Variants in GNPTAB observed in about 807,000 individuals in gnomAD.
GNPTAB encodes the protein N-acetylglucosamine-1-phosphotransferase subunits alpha/beta.
GNPTAB carries 92 observed loss-of-function variants against 136.6 expected under a neutral mutation model. The observed-to-expected ratio is 0.67, with a 90% CI of 0.57 to 0.80. The LOEUF is 0.80. GNPTAB is among the 30% of genes least tolerant of loss of function. GNPTAB has a pLI of 0.00. For synonymous variants in GNPTAB, 512 were observed against 535.1 expected, an observed-to-expected ratio of 0.96 and a Z score of 0.60; for missense variants, 1,343 against 1,501.8, an observed-to-expected ratio of 0.89 and a Z score of 1.75.
In GNPTAB at chr12:101,747,255, G is replaced by A. The variant is rs200996801; in HGVS notation, c.3694-14C>T. On this transcript the variant is annotated splice_polypyrimidine_tract_variant and intron_variant, in intron 20 of 20. Transcript: ENST00000299314. ...AAGTGCAATTAACTAAATGATGAAAGACAGAAAATACATTTTAATTCTCAC... is the reference window on the plus strand; with the variant it reads ...AAGTGCAATTAACTAAATGATGAAAAACAGAAAATACATTTTAATTCTCAC... 3.4e-6 allele frequency: 5 copies of A among 1,454,166 alleles called. No homozygotes were observed. Among genetic ancestry groups the A allele is most frequent in the Non-Finnish European group, 4.8e-6 (5 of 1,035,148 alleles). 90.1% of individuals were successfully genotyped at this position (1,454,166 alleles called of 1,614,324 possible). A position where few individuals can be genotyped will look rare whatever the true frequency, so the allele number is the denominator to read the frequency against.
Position 101,765,095 on chromosome 12 carries a change from C to T in GNPTAB, c.1822G>A (p.Ala608Thr). The change falls in exon 13 of 21, where the codon GCC becomes ACC. Residue 608 changes from alanine (A) to threonine (T), a missense_variant. Physicochemically the swap from Ala to Thr is moderately conservative, Grantham distance 58. Transcript: ENST00000299314. ...GTGAGATTAAAATGTATTGTGGTGG[C>T]ATTCATTCCACTGTGCATTATGAGG... ...IHLIMHSGMN[A>T]TTIHFNLTFQ... 1 of 1,613,982 alleles carries T rather than the reference C, an allele frequency of 6.2e-7. No homozygotes were observed. Among genetic ancestry groups the T allele is most frequent in the Non-Finnish European group, 8.5e-7 (1 of 1,179,842 alleles).
intron 1 of GNPTAB, chr12:101,810,426 C>T (rs1434633680): frequency 1.3e-4 from 16 of 124,968 alleles, no homozygotes; most frequent in East Asian, 4.4e-4. Flanking sequence ...TATATATACA[C>T]ACACATACAC....
intron 1 of GNPTAB, among the ~76,000 whole-genome samples, chr12:101,816,573 G>A (rs983036821): frequency 6.6e-6 from 1 of 152,210 alleles, no homozygotes; most frequent in African/African-American, 2.4e-5. Context: ...TGGCAAAAAG[G>A]CAATGCTTGT....
chr12:101,770,585 A>G lies in GNPTAB; in HGVS notation c.934T>C (p.Ser312Pro), dbSNP rs2137124334. The change falls in exon 9 of 21, where the codon TCT becomes CCT. Residue 312 changes from serine to proline, a missense_variant and splice_region_variant. Coordinates refer to ENST00000299314, the MANE Select transcript of GNPTAB (RefSeq NM_024312.5). ...GCAGAGATGTCTTCATCCTGCTTAG[A>G]CTGAGAAAAACACTTGGCATATGAA... ...LLWDLSAISQ[S>P]KQDEDISASR... 2 of 1,609,194 alleles carry G rather than the reference A, an allele frequency of 1.2e-6. No homozygotes were observed. The highest frequency in any genetic ancestry group is 4.5e-5 in the East Asian group (2 of 44,852).
At chr12:101,799,742 A>T (rs188854063) in intron 1 of GNPTAB, among the ~76,000 whole-genome samples, 182 of 152,022 alleles carry the variant, frequency 1.2e-3, no homozygotes, top group Admixed American at 0.012. Context: ...CTTCTATTAA[A>T]GTTCTTTTGA....
intron 4 of GNPTAB, 83 bp from the exon 5 acceptor site, chr12:101,786,300 T>C (rs1868645635): frequency 8.9e-7 from 1 of 1,120,610 alleles, no homozygotes; most frequent in Non-Finnish European, 1.3e-6. Context: ...ACTAAATTTT[T>C]CAGATTTTTT....
At chr12:101,808,866 T>G (rs576333609) in intron 1 of GNPTAB, among the ~76,000 whole-genome samples, 2 of 152,218 alleles carry the variant, frequency 1.3e-5, no homozygotes, top group Non-Finnish European at 2.9e-5. Flanking sequence ...GAGAATTGCC[T>G]GAACCCGGGA....
intron 1 of GNPTAB, among the ~76,000 whole-genome samples, chr12:101,820,746 C>G (rs1381705101): frequency 6.6e-6 from 1 of 152,182 alleles, no homozygotes; most frequent in Middle Eastern, 3.2e-3. Flanking sequence ...CGGTTGAACT[C>G]AAACAGCATC....
chr12:101,771,151 A>G lies in GNPTAB; in HGVS notation c.778T>C (p.Leu260=). The stretch of plus-strand genomic sequence containing the variant: ...AGCGCTACACTGGCCTCTGAATACA[A>G]CTGCAACTATCAAATAACAAGAGGA... ...NLSSKVKLLQ[L]YSEASVALLK... The change falls in exon 8 of 21, where the codon TTG becomes CTG. Residue 260 remains leucine (L), a synonymous_variant. Transcript: ENST00000299314. 3 of 1,613,394 alleles carry G rather than the reference A, an allele frequency of 1.9e-6. No homozygotes were observed. Among genetic ancestry groups the G allele is most frequent in the Non-Finnish European group, 2.5e-6 (3 of 1,179,312 alleles).
chr12:101,759,715 T>C (rs1271831624), intron 16 of GNPTAB, among the ~76,000 whole-genome samples: 3 of 152,244 alleles, frequency 2.0e-5, no homozygotes, highest in Non-Finnish European at 4.4e-5. Flanking sequence ...AATATTTCCT[T>C]GATGGTTAAA....
chr12:101,787,507 T>A (rs1868723830), intron 4 of GNPTAB, among the ~76,000 whole-genome samples: 1 of 152,230 alleles, frequency 6.6e-6, no homozygotes, highest in Non-Finnish European at 1.5e-5. Flanking sequence ...CAATCTTTCT[T>A]CATGTTGCAC....
chr12:101,747,232 G>C lies in GNPTAB; in HGVS notation c.3703C>G (p.Leu1235Val). ...FSFFAEQLIALKRKIFPRRRI... is the reference protein window; with the variant it reads ...FSFFAEQLIAVKRKIFPRRRI... ...CTTCTGGGAAATATCTTCCGCTTAA[G>C]TGCAATTAACTAAATGATGAAAGAC... Residue 1235 changes from leucine to valine, a missense_variant, in exon 21 of 21, where the codon CTT (leucine) becomes GTT (valine). Transcript: ENST00000299314. 1 of 1,569,586 alleles carries C rather than the reference G, an allele frequency of 6.4e-7. No homozygotes were observed. Among genetic ancestry groups the C allele is most frequent in the Non-Finnish European group, 8.8e-7 (1 of 1,139,440 alleles).
chr12:101,819,161 G>A (rs1441201629), intron 1 of GNPTAB, among the ~76,000 whole-genome samples: 6 of 151,950 alleles, frequency 3.9e-5, no homozygotes, highest in Admixed American at 1.3e-4. Context: ...ACAGGTGCCC[G>A]CCACCACACT....
chr12:101,760,094 G>A lies in GNPTAB; in HGVS notation c.3185C>T (p.Pro1062Leu), dbSNP rs1484374820. The A allele has an allele frequency of 6.2e-6, 10 of 1,613,668 alleles. 1 individual carries two copies. The South Asian group carries it at 9.9e-5, about 16-fold the overall frequency. ...ATTATTTAGCTGCGTGATATCAGCA[G>A]GAAGCATTTTTGAGCAATTTATTAG... ...HMLINCSKML[P>L]ADITQLNNIP... Residue 1062 changes from proline (P) to leucine (L), a missense_variant, in exon 16 of 21, where the codon CCT (proline) becomes CTT (leucine). Pro to Leu is a moderately conservative substitution (Grantham distance 98, BLOSUM62 -3). Coordinates refer to ENST00000299314, the MANE Select transcript of GNPTAB (RefSeq NM_024312.5).
intron 1 of GNPTAB, among the ~76,000 whole-genome samples, chr12:101,816,730 G>A (rs1870527320): frequency 6.6e-6 from 1 of 151,928 alleles, no homozygotes; most frequent in Non-Finnish European, 1.5e-5. Context: ...GTATAATGAA[G>A]AGCTATCTAC....
At chr12:101,800,604 CAAAA>C (rs58129963) in intron 1 of GNPTAB, among the ~76,000 whole-genome samples, 28 of 74,268 alleles carry the variant, frequency 3.8e-4, no homozygotes, top group Middle Eastern at 9.3e-3. Flanking sequence ...ACTAAAAATA[CAAAA>C]AAAAAAAAAA....
At chr12:101,825,335 A>G (rs1871034616) in intron 1 of GNPTAB, among the ~76,000 whole-genome samples, 1 of 152,236 alleles carries the variant, frequency 6.6e-6, no homozygotes, top group African/African-American at 2.4e-5. Context: ...CCAGAGCAGG[A>G]ATGACTCTCA....
At chr12:101,749,653 G>A (rs907855212) in intron 19 of GNPTAB, among the ~76,000 whole-genome samples, 1 of 152,220 alleles carries the variant, frequency 6.6e-6, no homozygotes, top group African/African-American at 2.4e-5. Context: ...ATTATCAAAA[G>A]CAAAGTCATG....
At chr12:101,799,394 G>A (rs1307399800) in intron 1 of GNPTAB, among the ~76,000 whole-genome samples, 4 of 152,286 alleles carry the variant, frequency 2.6e-5, no homozygotes, top group Non-Finnish European at 5.9e-5. Context: ...GAAAATCATC[G>A]ATGAGAAAGG....
Sources: allele counts gnomAD v4.1 joint callset (sites outside exome capture counted in the v4.1 genomes callset), GRCh38; gene constraint gnomAD v4.1.1; transcripts MANE v1.5; gene names NCBI Gene and HGNC (gene_info 2026-07-23, HGNC 2026-07-21).